Variants in GSPT1 observed in about 807,000 individuals in gnomAD.
GSPT1 encodes the protein eukaryotic peptide chain release factor GTP-binding subunit ERF3A.
In GSPT1, 20 loss-of-function variants were observed where a neutral mutation model predicts 72.5. That is an observed-to-expected ratio of 0.28 (90% CI 0.19 to 0.40). The LOEUF (loss-of-function observed/expected upper bound fraction) is 0.40. GSPT1 is among the 10% of genes least tolerant of loss of function. The pLI, the probability that GSPT1 is intolerant of heterozygous loss-of-function variation, is 1.00. For synonymous variants in GSPT1, 334 were observed against 293.5 expected (o/e 1.14, Z -1.41); for missense variants, 580 against 811.9 (o/e 0.71, Z 3.47).
intron 5 of GSPT1, among the ~76,000 whole-genome samples, chr16:11,893,606 C>T (rs1386440541): frequency 6.6e-6 from 1 of 152,136 alleles, no homozygotes; most frequent in Admixed American, 6.5e-5. Flanking sequence ...CAAAGCTCTC[C>T]TTTCCCTATA....
chr16:11,875,700 G>T (rs1025887664), intron 14 of GSPT1, 61 bp downstream of exon 14: 2 of 1,232,166 alleles, frequency 1.6e-6, no homozygotes, highest in African/African-American at 1.5e-5. Flanking sequence ...CTGAGATGAT[G>T]AAGATGACCA....
In GSPT1 at chr16:11,871,340, A is replaced by G. The variant is rs918134552; in HGVS notation, c.*1779T>C. 1.3e-5 allele frequency: 2 copies of G among 152,158 alleles called. No homozygotes were observed. The highest frequency in any genetic ancestry group is 1.5e-5 in the Non-Finnish European group (1 of 68,036). The allele number at this position is 152,158 out of a possible 1,614,324, so 9.4% of individuals were successfully genotyped here. On this transcript the variant is annotated 3_prime_UTR_variant, in exon 15 of 15. Coordinates refer to ENST00000434724, the MANE Select transcript of GSPT1 (RefSeq NM_002094.4). ...CCAGCACTTTTGAGAGGCTGAGGCG[A>G]GTGGATCACTTGAGGTCAGAAGTTT...
upstream of GSPT1, among the ~76,000 whole-genome samples, chr16:11,916,262 C>T (rs2054636217): frequency 6.6e-6 from 1 of 152,176 alleles, no homozygotes; most frequent in African/African-American, 2.4e-5. Flanking sequence ...TCGGCGGCCC[C>T]ACCTGTCACC....
At chr16:11,884,170 ATTTTT>A (rs751856322) in intron 10 of GSPT1, among the ~76,000 whole-genome samples, 9 of 152,070 alleles carry the variant, frequency 5.9e-5, no homozygotes, top group Non-Finnish European at 1.2e-4. Context: ...AAGGAAGTTT[ATTTTT>A]TTTAAGACGA....
intron 5 of GSPT1, among the ~76,000 whole-genome samples, chr16:11,891,369 T>TA (rs200834728): frequency 0.027 from 3,584 of 131,858 alleles, 123 homozygotes; most frequent in African/African-American, 0.086. Flanking sequence ...TATATATATA[T>TA]TTTTTTTTTT....
At chr16:11,915,190 G>A (rs2054616043) in intron 1 of GSPT1, 179 bp downstream of exon 1, 1 of 1,059,008 alleles carries the variant, frequency 9.4e-7, no homozygotes, top group East Asian at 8.5e-5. Flanking sequence ...GGCCACCGCC[G>A]CGGGCCGCCC....
chr16:11,878,996 AACCCAGGAGGCAGAGG>A (rs993351734), intron 11 of GSPT1, among the ~76,000 whole-genome samples: 3 of 151,210 alleles, frequency 2.0e-5, no homozygotes, highest in Admixed American at 6.6e-5. Flanking sequence ...GAATCGCTTG[AACCCAGGAGGCAGAGG>A]ATGCAGTGAG....
rs1479704895 is a variant in GSPT1 at position 11,912,073 on chromosome 16, G to A, written c.352+3296C>T. Among the ~76,000 whole-genome samples, 5 of 79,362 alleles carry A rather than the reference G, an allele frequency of 6.3e-5. No individual in the cohort carries two copies. The East Asian group carries it at 4.7e-3, about 74-fold the overall frequency. 52.1% of individuals were successfully genotyped at this position (79,362 alleles called of 152,430 possible). A position where few individuals can be genotyped will look rare whatever the true frequency, so the allele number is the denominator to read the frequency against. The stretch of plus-strand genomic sequence containing the variant: ...AAAAAAAAAAAAAAAAAGGCCAGGC[G>A]CGGTCACACCTGTAATCCCGGCACT... On this transcript the variant is annotated intron_variant, in intron 1 of 14. Transcript: ENST00000434724.
rs374964894 is a variant in GSPT1 at position 11,915,800 on chromosome 16, G to A, written c.-80C>T. ...GCCCGGCCGGAGAGGAGTGGGCAAC[G>A]CTGACTGAGGGAAGGCGGCGGGGCA... On this transcript the variant is annotated 5_prime_UTR_variant, in exon 1 of 15. Coordinates refer to ENST00000434724, the MANE Select transcript of GSPT1 (RefSeq NM_002094.4). 1 of 1,573,680 alleles carries A rather than the reference G, an allele frequency of 6.4e-7. No homozygotes were observed. The highest frequency in any genetic ancestry group is 8.6e-7 in the Non-Finnish European group (1 of 1,163,122).
intron 8 of GSPT1, 74 bp from the exon 9 acceptor site, chr16:11,886,685 T>C: frequency 6.5e-7 from 1 of 1,548,422 alleles, no homozygotes; most frequent in Admixed American, 1.7e-5. Context: ...AGTAAACAGA[T>C]TAAGGTTTAG....
intron 1 of GSPT1, among the ~76,000 whole-genome samples, chr16:11,900,630 T>C (rs1407537443): frequency 6.6e-6 from 1 of 152,124 alleles, no homozygotes; most frequent in Non-Finnish European, 1.5e-5. Context: ...CCTCAGATAG[T>C]CCCTGCTGAA....
chr16:11,870,129 T>A lies in GSPT1; in HGVS notation c.*2990A>T, dbSNP rs1049656867. The A allele has an allele frequency of 1.4e-5, 2 of 147,614 alleles. No individual in the cohort carries two copies. Among genetic ancestry groups the A allele is most frequent in the African/African-American group, 2.4e-5 (1 of 40,868 alleles). The allele number at this position is 147,614 out of a possible 1,614,324, so 9.1% of individuals were successfully genotyped here. A position where few individuals can be genotyped will look rare whatever the true frequency, so the allele number is the denominator to read the frequency against. The stretch of plus-strand genomic sequence containing the variant: ...AGATTTTCAACTCACAAAAAAAAAA[T>A]ACATGGGCTTAATTACTCAGTAACA... On this transcript the variant is annotated 3_prime_UTR_variant, in exon 15 of 15. Coordinates refer to ENST00000434724, the MANE Select transcript of GSPT1 (RefSeq NM_002094.4).
intron 5 of GSPT1, among the ~76,000 whole-genome samples, chr16:11,892,829 CAAAAAAAAA>C (rs57546698): frequency 3.2e-4 from 10 of 31,224 alleles, no homozygotes; most frequent in Admixed American, 2.2e-3. Flanking sequence ...GATTCTGTCT[CAAAAAAAAA>C]AAAAAAAAAA....
intron 8 of GSPT1, 30 bp downstream of exon 8, chr16:11,886,747 T>G (rs775180705): frequency 1.2e-6 from 2 of 1,600,512 alleles, no homozygotes; most frequent in South Asian, 1.1e-5. Flanking sequence ...TTAATCCCAC[T>G]AACATAAAAT....
chr16:11,900,231 G>A (rs1184602219), intron 1 of GSPT1, among the ~76,000 whole-genome samples: 6 of 151,816 alleles, frequency 4.0e-5, no homozygotes, highest in Non-Finnish European at 8.8e-5. Context: ...TACTCGGGAG[G>A]CCAAGGCAGG....
chr16:11,904,479 A>C (rs192977723), intron 1 of GSPT1, among the ~76,000 whole-genome samples: 1 of 151,998 alleles, frequency 6.6e-6, no homozygotes, highest in Non-Finnish European at 1.5e-5. Context: ...TGGGATTACA[A>C]GCGTGAGCCA....
chr16:11,902,538 C>T (rs2054424991), intron 1 of GSPT1, among the ~76,000 whole-genome samples: 2 of 150,928 alleles, frequency 1.3e-5, no homozygotes, highest in African/African-American at 4.9e-5. Context: ...TACCAGAGAA[C>T]AGCAGAACAC....
chr16:11,913,716 A>G (rs1305036859), intron 1 of GSPT1, among the ~76,000 whole-genome samples: 2 of 152,202 alleles, frequency 1.3e-5, no homozygotes, highest in East Asian at 1.9e-4. Flanking sequence ...GGGAATGGGC[A>G]CTTTTAGGAG....
chr16:11,896,213 T>G (rs1015992045), intron 4 of GSPT1, among the ~76,000 whole-genome samples: 1 of 152,226 alleles, frequency 6.6e-6, no homozygotes, highest in African/African-American at 2.4e-5. Flanking sequence ...CCATTAAAAT[T>G]AACAAGTTAA....
Sources: gnomAD v4.1 joint callset for allele counts (sites outside exome capture counted in the v4.1 genomes callset) on GRCh38, gnomAD v4.1.1 for gene constraint, MANE v1.5 for transcripts, NCBI Gene and HGNC (gene_info 2026-07-23, HGNC 2026-07-21) for gene names.